ATF6: variants seen among roughly 807,000 people sequenced by gnomAD.
ATF6 encodes cyclic AMP-dependent transcription factor ATF-6 alpha.
ATF6 carries 53 observed loss-of-function variants against 83.6 expected under a neutral mutation model. The observed-to-expected ratio is 0.63, with a 90% CI of 0.51 to 0.80. The LOEUF (loss-of-function observed/expected upper bound fraction) is 0.80, where lower values mean the gene tolerates loss of function less well. ATF6 is among the 30% of genes least tolerant of loss of function. ATF6 has a pLI of 0.00. For missense variants in ATF6, 744 were observed against 797.9 expected (o/e 0.93, Z 0.81); for synonymous variants, 288 against 285.8 (o/e 1.01, Z -0.08).
chr1:161,958,407 T>C lies in ATF6; in HGVS notation c.1805-39T>C, dbSNP rs372768806. 31 of 1,539,524 alleles carry C rather than the reference T, an allele frequency of 2.0e-5. No individual in the cohort carries two copies. In the African/African-American group the frequency reaches 4.0e-4, roughly 20 times the overall value. On this transcript the variant is annotated intron_variant, in intron 15 of 15. Coordinates refer to ENST00000367942, the MANE Select transcript of ATF6 (RefSeq NM_007348.4). ...AAGCTTATGGCAGAGATGCACATTCTGTTGAATATTTATTCTTTGTGTATA... is the reference window on the plus strand; with the variant it reads ...AAGCTTATGGCAGAGATGCACATTCCGTTGAATATTTATTCTTTGTGTATA...
At chr1:161,857,629 G>A (rs1686792184) in intron 12 of ATF6, among the ~76,000 whole-genome samples, 1 of 152,106 alleles carries the variant, frequency 6.6e-6, no homozygotes, top group East Asian at 1.9e-4. Context: ...GGAAGGAAGA[G>A]CATCAGAATG....
intron 10 of ATF6, among the ~76,000 whole-genome samples, chr1:161,850,014 C>T (rs542064061): frequency 6.6e-6 from 1 of 152,132 alleles, no homozygotes; most frequent in Admixed American, 6.6e-5. Context: ...CACTCCTCTC[C>T]GTCTCTGCTG....
intron 14 of ATF6, among the ~76,000 whole-genome samples, chr1:161,893,014 A>C (rs1330172824): frequency 2.0e-5 from 3 of 152,266 alleles, no homozygotes; most frequent in East Asian, 3.9e-4. Context: ...TTGTCTTCTC[A>C]ACAGTAAGCT....
Position 161,924,976 on chromosome 1 carries a change from T to G in ATF6, c.1804+12596T>G, listed in dbSNP as rs1321717827. Reference sequence around the variant, plus strand: ...TATAATCACCGCCATGTATAGAGACTGCCTGCTTTAAATAGCTCTGGCAAT... The same window carrying G: ...TATAATCACCGCCATGTATAGAGACGGCCTGCTTTAAATAGCTCTGGCAAT... On this transcript the variant is annotated intron_variant, in intron 15 of 15. Transcript: ENST00000367942. 2.0e-5 allele frequency among the ~76,000 whole-genome samples: 3 copies of G among 152,250 alleles called. No homozygotes were observed. In the East Asian group the frequency reaches 5.8e-4, roughly 29 times the overall value.
chr1:161,811,911 A>G (rs943298706), intron 7 of ATF6, among the ~76,000 whole-genome samples: 6 of 152,210 alleles, frequency 3.9e-5, no homozygotes, highest in Non-Finnish European at 7.3e-5. Flanking sequence ...ATTAACTTCA[A>G]TAATTTACAT....
At chr1:161,881,976 C>T (rs1216285890) in intron 14 of ATF6, among the ~76,000 whole-genome samples, 1 of 151,902 alleles carries the variant, frequency 6.6e-6, no homozygotes. Flanking sequence ...TATCAAAGTT[C>T]ATTTTGTGTG....
At chr1:161,876,766 C>T (rs1218671272) in intron 14 of ATF6, among the ~76,000 whole-genome samples, 4 of 151,834 alleles carry the variant, frequency 2.6e-5, no homozygotes, top group East Asian at 3.9e-4. Context: ...TCCACCTTTC[C>T]GTGAGTCATA....
chr1:161,845,957 T>A (rs2879842), intron 9 of ATF6, among the ~76,000 whole-genome samples: 14,792 of 151,650 alleles, frequency 0.098, 1,264 homozygotes, highest in East Asian at 0.31. Flanking sequence ...ATTTAAAAAA[T>A]TTTTTTTTCT....
At chr1:161,826,869 A>T (rs1355846691) in intron 9 of ATF6, among the ~76,000 whole-genome samples, 1 of 152,156 alleles carries the variant, frequency 6.6e-6, no homozygotes, top group Non-Finnish European at 1.5e-5. Flanking sequence ...CCCTGAATCA[A>T]ATGTTGGGAA....
At chr1:161,861,149 A>G (rs1356672885) in intron 13 of ATF6, among the ~76,000 whole-genome samples, 2 of 152,152 alleles carry the variant, frequency 1.3e-5, no homozygotes, top group African/African-American at 4.8e-5. Flanking sequence ...TAATGATGTG[A>G]TGTCATTGAC....
At chr1:161,854,878 A>G (rs1686724074) in intron 12 of ATF6, among the ~76,000 whole-genome samples, 1 of 152,124 alleles carries the variant, frequency 6.6e-6, no homozygotes. Context: ...AAAGAAAAAA[A>G]AAAAGATTTA....
intron 10 of ATF6, among the ~76,000 whole-genome samples, chr1:161,851,274 A>ACACACACACACACC (rs1264016372): frequency 1.4e-5 from 2 of 144,132 alleles, no homozygotes; most frequent in Non-Finnish European, 3.0e-5. Context: ...ACACACACAC[A>ACACACACACACACC]CCCCTACCTG....
At chr1:161,846,012 CAATG>C (rs1686478085) in intron 9 of ATF6, among the ~76,000 whole-genome samples, 1 of 152,004 alleles carries the variant, frequency 6.6e-6, no homozygotes, top group African/African-American at 2.4e-5. Flanking sequence ...GAAAGGCTAA[CAATG>C]AATTTGACTT....
intron 1 of ATF6, among the ~76,000 whole-genome samples, chr1:161,767,181 G>A (rs771529668): frequency 2.0e-5 from 3 of 152,118 alleles, no homozygotes; most frequent in Non-Finnish European, 2.9e-5. Context: ...ATTGTTCTTA[G>A]GTTCCAATAT....
intron 1 of ATF6, among the ~76,000 whole-genome samples, chr1:161,775,966 C>CAT (rs909197308): frequency 4.0e-5 from 6 of 151,464 alleles, no homozygotes; most frequent in Non-Finnish European, 8.8e-5. Context: ...TATGTGTGTA[C>CAT]ATATATATAT....
In ATF6 at chr1:161,958,447, G is replaced by C. The variant is rs752692589; in HGVS notation, c.1806G>C (p.Glu602Asp). 1 of 1,600,038 alleles carries C rather than the reference G, an allele frequency of 6.2e-7. No homozygotes were observed. The highest frequency in any genetic ancestry group is 1.3e-5 in the African/African-American group (1 of 74,732). The stretch of plus-strand genomic sequence containing the variant: ...CTTTGTGTATATTCCTGTCTGCAGA[G>C]AATGTGATCAATGGGCAGGACTACG... ...SIVLPAININ[E>D]NVINGQDYEV... Residue 602 changes from glutamate to aspartate, a missense_variant and splice_region_variant, in exon 16 of 16, where the codon GAG becomes GAC. Glu to Asp is a conservative substitution (Grantham distance 45). Coordinates refer to ENST00000367942, the MANE Select transcript of ATF6 (RefSeq NM_007348.4).
intron 13 of ATF6, among the ~76,000 whole-genome samples, chr1:161,862,094 A>G (rs1686898575): frequency 6.6e-6 from 1 of 152,240 alleles, no homozygotes; most frequent in South Asian, 2.1e-4. Context: ...AGAGGCTTGC[A>G]GGAACCTAAC....
At chr1:161,869,187 A>T (rs1687072046) in intron 14 of ATF6, among the ~76,000 whole-genome samples, 1 of 152,092 alleles carries the variant, frequency 6.6e-6, no homozygotes, top group South Asian at 2.1e-4. Flanking sequence ...GATATTTTCT[A>T]ACTTAATACC....
intron 12 of ATF6, among the ~76,000 whole-genome samples, chr1:161,855,646 A>G (rs1270755471): frequency 6.6e-6 from 1 of 152,180 alleles, no homozygotes; most frequent in Non-Finnish European, 1.5e-5. Context: ...GTTGAAAGAG[A>G]AAGAGGAACC....
Sources: gnomAD v4.1 joint callset for allele counts (sites outside exome capture counted in the v4.1 genomes callset) on GRCh38, gnomAD v4.1.1 for gene constraint, MANE v1.5 for transcripts, NCBI Gene and HGNC (gene_info 2026-07-23, HGNC 2026-07-21) for gene names.